Variants in SCNN1B observed in about 807,000 individuals in gnomAD.
SCNN1B encodes sodium channel epithelial 1 subunit beta.
A neutral mutation model predicts 65.3 loss-of-function variants in SCNN1B; 46 were observed. The observed-to-expected ratio is 0.70, with a 90% CI of 0.56 to 0.90. SCNN1B has a LOEUF of 0.90. SCNN1B is among the 40% of genes least tolerant of loss of function. SCNN1B has a pLI of 0.00. For synonymous variants in SCNN1B, 349 were observed against 330.6 expected (o/e 1.06, Z -0.60); for missense variants, 751 against 830.5 (o/e 0.90, Z 1.18).
At chr16:23,334,571 A>C (rs907485503) in intron 1 of SCNN1B, among the ~76,000 whole-genome samples, 1 of 152,232 alleles carries the variant, frequency 6.6e-6, no homozygotes, top group Non-Finnish European at 1.5e-5. Context: ...GGACTGCCCT[A>C]GTCCTGCCTT....
intron 2 of SCNN1B, among the ~76,000 whole-genome samples, chr16:23,296,800 G>A (rs1961003681): frequency 6.6e-6 from 1 of 152,008 alleles, no homozygotes; most frequent in Admixed American, 6.6e-5. Context: ...AGGAGATCGG[G>A]ACCATTCTGG....
At chr16:23,288,086 G>GACA (rs1426573209) in intron 2 of SCNN1B, among the ~76,000 whole-genome samples, 3 of 152,024 alleles carry the variant, frequency 2.0e-5, no homozygotes, top group Non-Finnish European at 4.4e-5. Flanking sequence ...AGCCCTGGTT[G>GACA]AGGCTGCAGT....
rs149098108 is a variant in SCNN1B at position 23,288,245 on chromosome 16, C to T, written n.178+4441C>T. On this transcript the variant is annotated intron_variant and non_coding_transcript_variant, in intron 2 of 3. Coordinates refer to the SCNN1B transcript ENST00000569789. ...TATATCTATAAAAGAAAACTGCCCC[C>T]GTATCAGTTATATGACTACCCTCAG... Among the ~76,000 whole-genome samples, 351 of 152,172 alleles carry T rather than the reference C, an allele frequency of 2.3e-3. 1 individual carries two copies. The highest frequency in any genetic ancestry group is 7.5e-3 in the African/African-American group (310 of 41,518).
chr16:23,380,987 CGGTGCT>C lies in SCNN1B; in HGVS notation c.*190_*195del. The C allele has an allele frequency of 1.4e-6, 1 of 703,534 alleles. No individual in the cohort carries two copies. The highest frequency in any genetic ancestry group is 2.0e-5 in the Admixed American group (1 of 49,766). The allele number at this position is 703,534 out of a possible 1,614,324, so 43.6% of individuals were successfully genotyped here. ...ACTGGCCAAGGGCTCTGTAGAATCA[CGGTGCT>C]GGTACAGGATGCAGGAATAAATTGT... is the stretch of plus-strand genomic sequence containing the variant. On this transcript the variant is annotated 3_prime_UTR_variant, in exon 13 of 13. Coordinates refer to ENST00000343070, the MANE Select transcript of SCNN1B (RefSeq NM_000336.3). This position sits in a 1 kb window ranked among gnomAD's most constrained non-coding sequence, Gnocchi z 5.4.
intron 1 of SCNN1B, among the ~76,000 whole-genome samples, chr16:23,303,352 C>T (rs757878652): frequency 6.6e-6 from 1 of 152,140 alleles, no homozygotes; most frequent in East Asian, 1.9e-4. Flanking sequence ...TCTCACAAAG[C>T]CGGGTGGATG....
intron 1 of SCNN1B, among the ~76,000 whole-genome samples, chr16:23,342,049 GTA>G (rs200539017): frequency 0.011 from 1,716 of 152,254 alleles, 19 homozygotes; most frequent in Non-Finnish European, 0.017. Flanking sequence ...ATTCATAGCA[GTA>G]TTATCATAAC....
intron 1 of SCNN1B, among the ~76,000 whole-genome samples, chr16:23,336,702 A>G (rs1245742611): frequency 6.6e-6 from 1 of 152,090 alleles, no homozygotes; most frequent in Non-Finnish European, 1.5e-5. Context: ...TTCTCAGAGG[A>G]ACCTTTTTCT....
chr16:23,327,521 A>G (rs184466515), intron 1 of SCNN1B, among the ~76,000 whole-genome samples: 410 of 151,944 alleles, frequency 2.7e-3, no homozygotes, highest in African/African-American at 9.7e-3. Flanking sequence ...GAGGCAGAGC[A>G]AGACTCCATC....
At chr16:23,337,912 AT>A (rs1475729637) in intron 1 of SCNN1B, among the ~76,000 whole-genome samples, 3 of 152,034 alleles carry the variant, frequency 2.0e-5, no homozygotes, top group African/African-American at 2.4e-5. Context: ...CCAAAAAAAA[AT>A]AATAATAACA....
chr16:23,332,604 T>C (rs1460644250), intron 1 of SCNN1B, among the ~76,000 whole-genome samples: 1 of 152,126 alleles, frequency 6.6e-6, no homozygotes, highest in East Asian at 1.9e-4. Flanking sequence ...GTGCTGGAAT[T>C]ACAGGCATGA....
intron 5 of SCNN1B, among the ~76,000 whole-genome samples, chr16:23,369,375 C>T (rs746747408): frequency 1.1e-4 from 16 of 152,138 alleles, no homozygotes; most frequent in East Asian, 1.9e-4. Flanking sequence ...TGATCCACTG[C>T]GCCCAGCTGT....
intron 2 of SCNN1B, among the ~76,000 whole-genome samples, chr16:23,293,397 G>A (rs546974365): frequency 6.6e-6 from 1 of 152,254 alleles, no homozygotes; most frequent in East Asian, 1.9e-4. Context: ...ATTATGCAAA[G>A]TGCAATCAGC....
chr16:23,343,131 A>G (rs1362956022), intron 1 of SCNN1B, among the ~76,000 whole-genome samples: 1 of 152,192 alleles, frequency 6.6e-6, no homozygotes, highest in Non-Finnish European at 1.5e-5. Flanking sequence ...CACTCAGAAG[A>G]AAGCATAGAA....
chr16:23,299,033 T>TTTTTTGC (rs1961036138), upstream of SCNN1B, among the ~76,000 whole-genome samples: 1 of 152,072 alleles, frequency 6.6e-6, no homozygotes, highest in Middle Eastern at 3.2e-3. Context: ...CTATGTTCTT[T>TTTTTTGC]TTTTTGCTTT....
intron 1 of SCNN1B, among the ~76,000 whole-genome samples, chr16:23,305,915 C>G (rs1961207811): frequency 6.6e-6 from 1 of 152,038 alleles, no homozygotes; most frequent in African/African-American, 2.4e-5. Flanking sequence ...GACTCCACAG[C>G]CAATCTCTAT....
At chr16:23,310,682 A>G (rs1961322266) in intron 1 of SCNN1B, among the ~76,000 whole-genome samples, 1 of 152,242 alleles carries the variant, frequency 6.6e-6, no homozygotes, top group African/African-American at 2.4e-5. Context: ...GTCTCAGGAG[A>G]AAAAGAAATG....
At chr16:23,316,740 T>C (rs1281349157) in intron 1 of SCNN1B, among the ~76,000 whole-genome samples, 1 of 143,436 alleles carries the variant, frequency 7.0e-6, no homozygotes, top group African/African-American at 2.6e-5. Flanking sequence ...TCCTCTGTCA[T>C]CACTGTCACC....
Position 23,348,914 on chromosome 16 carries a change from G to A in SCNN1B, c.311+4G>A, listed in dbSNP as rs765142958. On this transcript the variant is annotated splice_donor_region_variant and intron_variant, in intron 2 of 12. Transcript: ENST00000343070. This position sits in a 1 kb window ranked among gnomAD's most constrained non-coding sequence, Gnocchi z 4.5. ...TCTGCAATGCTAGCCCCTTCAAGTAGGTGGCCCCGGAGTGCACAGCTGGCC... is the reference window on the plus strand; with the variant it reads ...TCTGCAATGCTAGCCCCTTCAAGTAAGTGGCCCCGGAGTGCACAGCTGGCC... The A allele has an allele frequency of 1.9e-6, 3 of 1,613,928 alleles. No homozygotes were observed. Among genetic ancestry groups the A allele is most frequent in the Non-Finnish European group, 1.7e-6 (2 of 1,179,878 alleles).
intron 2 of SCNN1B, among the ~76,000 whole-genome samples, chr16:23,293,195 A>T (rs1276031138): frequency 4.0e-5 from 6 of 150,976 alleles, no homozygotes; most frequent in Non-Finnish European, 8.8e-5. Context: ...GAAACCAGTG[A>T]CTCAAACAGT....
Sources: allele counts gnomAD v4.1 joint callset (sites outside exome capture counted in the v4.1 genomes callset), GRCh38; gene constraint gnomAD v4.1.1; non-coding constraint Gnocchi (gnomAD v3.1); transcripts MANE v1.5; gene names NCBI Gene and HGNC (gene_info 2026-07-23, HGNC 2026-07-21).